The following MTMR3 variants were observed in gnomAD, a reference collection of about 807,000 sequenced individuals.
MTMR3 encodes myotubularin related protein 3, also known as phosphatidylinositol-3,5-bisphosphate 3-phosphatase MTMR3.
MTMR3 carries 32 observed loss-of-function variants against 132.4 expected under a neutral mutation model. The ratio of observed to expected loss-of-function variants is 0.24; its 90% CI spans 0.18 to 0.32. The LOEUF (loss-of-function observed/expected upper bound fraction) is 0.32. MTMR3 is among the 10% of genes least tolerant of loss of function. MTMR3 has a pLI of 1.00. For synonymous variants in MTMR3, 556 were observed against 550.3 expected (o/e 1.01, Z -0.14); for missense variants, 1,216 against 1,489.6 (o/e 0.82, Z 3.02).
Position 29,970,973 on chromosome 22 carries a change from C to A in MTMR3, c.-84-3C>A. The A allele has an allele frequency of 1.7e-6, 2 of 1,147,294 alleles. No individual in the cohort carries two copies. Among genetic ancestry groups the A allele is most frequent in the South Asian group, 3.9e-5 (2 of 51,230 alleles). 71.1% of individuals were successfully genotyped at this position (1,147,294 alleles called of 1,614,324 possible). A position where few individuals can be genotyped will look rare whatever the true frequency, so the allele number is the denominator to read the frequency against. On this transcript the variant is annotated splice_region_variant and splice_polypyrimidine_tract_variant and intron_variant, in intron 2 of 19. Coordinates refer to ENST00000401950, the MANE Select transcript of MTMR3 (RefSeq NM_021090.4). Reference sequence around the variant, plus strand: ...TCTTCCCCCTCTTCCCCCCCACCCCCAGACTTCACCATAAGGGAAAGAAGA... The same window carrying A: ...TCTTCCCCCTCTTCCCCCCCACCCCAAGACTTCACCATAAGGGAAAGAAGA...
chr22:29,884,124 T>C (rs2064614287), intron 1 of MTMR3, among the ~76,000 whole-genome samples: 1 of 152,186 alleles, frequency 6.6e-6, no homozygotes, highest in Admixed American at 6.5e-5. Flanking sequence ...CCCCTGGAAT[T>C]TGATAATCTC....
intron 2 of MTMR3, among the ~76,000 whole-genome samples, chr22:29,965,288 C>T (rs532374406): frequency 6.2e-4 from 94 of 151,790 alleles, no homozygotes; most frequent in African/African-American, 2.2e-3. Context: ...CATCATTTTA[C>T]AGAATCTATT....
chr22:30,024,081 G>A (rs936512309), intron 19 of MTMR3: 2 of 152,568 alleles, frequency 1.3e-5, no homozygotes, highest in African/African-American at 4.8e-5. Context: ...GATCACCTGA[G>A]GTCAGGAGTT....
chr22:30,020,659 G>A lies in MTMR3; in HGVS notation c.3000G>A (p.Arg1000=), dbSNP rs2067720629. Residue 1000 remains arginine (R), a synonymous_variant, in exon 17 of 20, where the codon AGG becomes AGA. Coordinates refer to ENST00000401950, the MANE Select transcript of MTMR3 (RefSeq NM_021090.4). ...HHKWLHSHSG[R]PSATSSPDQP... is the part of the protein sequence containing the mutation. Reference sequence around the variant, plus strand: ...AGTGGCTGCATAGCCACTCAGGAAGGCCATCTGCAACCAGCAGCCCCGACC... The same window carrying A: ...AGTGGCTGCATAGCCACTCAGGAAGACCATCTGCAACCAGCAGCCCCGACC... 9 of 1,614,192 alleles carry A rather than the reference G, an allele frequency of 5.6e-6. No individual in the cohort carries two copies. Among genetic ancestry groups the A allele is most frequent in the Middle Eastern group, 1.6e-4 (1 of 6,062 alleles).
chr22:29,998,702 A>G, intron 7 of MTMR3, 59 bp from the exon 8 acceptor site: 2 of 1,193,864 alleles, frequency 1.7e-6, no homozygotes, highest in Non-Finnish European at 2.4e-6. Flanking sequence ...TTTTTATTCC[A>G]CCTGTTTTGC....
chr22:29,968,544 A>G (rs2066474000), intron 2 of MTMR3, among the ~76,000 whole-genome samples: 2 of 152,156 alleles, frequency 1.3e-5, no homozygotes, highest in African/African-American at 4.8e-5. Flanking sequence ...TAATTCCAAT[A>G]AGTGCCTTTT....
intron 1 of MTMR3, among the ~76,000 whole-genome samples, chr22:29,923,751 A>G (rs1225058142): frequency 6.6e-6 from 1 of 152,086 alleles, no homozygotes; most frequent in Middle Eastern, 3.2e-3. Flanking sequence ...ATCCATCTGC[A>G]TGACCTTATT....
At position 29,933,996 on chromosome 22, in the gene MTMR3, T is replaced by C. The variant is rs544598878; in HGVS notation, c.-137-23040T>C. Among the ~76,000 whole-genome samples the C allele has an allele frequency of 4.5e-3, 683 of 152,294 alleles. 6 individuals are homozygous for C. Among genetic ancestry groups the C allele is most frequent in the African/African-American group, 0.016 (645 of 41,574 alleles). ...TAGTACATGTTTTTAGGGTAGTTGA[T>C]TTATGGATAAAAACATGTTTATATT... On this transcript the variant is annotated intron_variant, in intron 1 of 19. Coordinates refer to ENST00000401950, the MANE Select transcript of MTMR3 (RefSeq NM_021090.4).
chr22:29,993,463 T>G (rs1386002950), intron 7 of MTMR3: 4 of 152,176 alleles, frequency 2.6e-5, no homozygotes, highest in African/African-American at 9.7e-5. Flanking sequence ...ATAATGAACT[T>G]AATGAGTGCA....
chr22:29,901,266 A>G (rs1473360780), intron 1 of MTMR3, among the ~76,000 whole-genome samples: 1 of 151,414 alleles, frequency 6.6e-6, no homozygotes, highest in East Asian at 1.9e-4. Flanking sequence ...GAATATATAT[A>G]TATATTTTAA....
At chr22:29,913,896 C>T (rs549345234) in intron 1 of MTMR3, among the ~76,000 whole-genome samples, 1 of 152,144 alleles carries the variant, frequency 6.6e-6, no homozygotes, top group African/African-American at 2.4e-5. Context: ...GGACTACAGG[C>T]TCATGCCACC....
chr22:29,936,766 T>G (rs1378929620), intron 1 of MTMR3, among the ~76,000 whole-genome samples: 2 of 152,222 alleles, frequency 1.3e-5, no homozygotes, highest in Non-Finnish European at 2.9e-5. Flanking sequence ...CAATAGCCAT[T>G]TATTTGCTTT....
intron 9 of MTMR3, 21 bp downstream of exon 9, chr22:30,003,014 C>T (rs770118381): frequency 5.7e-6 from 9 of 1,587,048 alleles, no homozygotes; most frequent in Non-Finnish European, 7.8e-6. Context: ...CTGGACCAGT[C>T]CCAGCTTGGG....
rs2067718508 is a variant in MTMR3 at position 30,020,547 on chromosome 22, C to T, written c.2888C>T (p.Ala963Val). 2.5e-6 allele frequency: 4 copies of T among 1,614,036 alleles called. No individual in the cohort carries two copies. The highest frequency in any genetic ancestry group is 3.4e-6 in the Non-Finnish European group (4 of 1,180,052). ...AATGGGCATTGCGCCAATGGGGAGG[C>T]TGGTAGGAGCAAGGACTCACTGAGC... Reference protein sequence around the residue: ...TPNGHCANGEAGRSKDSLSRQ... With the variant: ...TPNGHCANGEVGRSKDSLSRQ... The change falls in exon 17 of 20, where the codon GCT becomes GTT. Residue 963 changes from alanine to valine, a missense_variant. Ala to Val is a moderately conservative substitution (Grantham distance 64). Coordinates refer to ENST00000401950, the MANE Select transcript of MTMR3 (RefSeq NM_021090.4).
At chr22:29,991,331 A>G in intron 6 of MTMR3, 173 bp from the exon 7 acceptor site, 4 of 525,152 alleles carry the variant, frequency 7.6e-6, no homozygotes, top group Admixed American at 4.2e-5. Flanking sequence ...ATTGGCTAAC[A>G]TTTGTTTTTC....
chr22:29,943,587 G>A (rs1347052182), intron 1 of MTMR3, among the ~76,000 whole-genome samples: 1 of 152,100 alleles, frequency 6.6e-6, no homozygotes, highest in Non-Finnish European at 1.5e-5. Context: ...GAGAAGGTGT[G>A]TTGGGTAAGG....
At chr22:29,920,778 A>T (rs549044588) in intron 1 of MTMR3, among the ~76,000 whole-genome samples, 2 of 152,310 alleles carry the variant, frequency 1.3e-5, no homozygotes, top group East Asian at 3.9e-4. Flanking sequence ...CCAAATATAA[A>T]AGATTGATAC....
intron 2 of MTMR3, among the ~76,000 whole-genome samples, chr22:29,959,829 G>A (rs2066275052): frequency 6.6e-6 from 1 of 151,280 alleles, no homozygotes; most frequent in Non-Finnish European, 1.5e-5. Context: ...TGTGATCATG[G>A]GTCACTGCAG....
At chr22:29,920,523 TTA>T (rs1195773790) in intron 1 of MTMR3, among the ~76,000 whole-genome samples, 2 of 152,196 alleles carry the variant, frequency 1.3e-5, no homozygotes, top group Admixed American at 1.3e-4. Flanking sequence ...TATTTGAATG[TTA>T]TGTTATATTT....
Sources: allele counts gnomAD v4.1 joint callset (sites outside exome capture counted in the v4.1 genomes callset), GRCh38; gene constraint gnomAD v4.1.1; transcripts MANE v1.5; gene names NCBI Gene and HGNC (gene_info 2026-07-23, HGNC 2026-07-21).